Variants in HERC4 observed in about 807,000 individuals in gnomAD.
HERC4 encodes probable E3 ubiquitin-protein ligase HERC4.
HERC4 carries 28 observed loss-of-function variants against 124.3 expected under a neutral mutation model. The observed-to-expected ratio is 0.23, with a 90% CI of 0.17 to 0.31. The LOEUF (loss-of-function observed/expected upper bound fraction) is 0.31, where lower values mean the gene tolerates loss of function less well. HERC4 is among the 10% of genes least tolerant of loss of function. The pLI is 1.00. For missense variants in HERC4, 713 were observed against 1,229.3 expected, an observed-to-expected ratio of 0.58 and a Z score of 6.28; for synonymous variants, 407 against 421.5, an observed-to-expected ratio of 0.97 and a Z score of 0.42.
chr10:68,061,022 C>A (rs564125831), intron 3 of HERC4, among the ~76,000 whole-genome samples: 36 of 152,184 alleles, frequency 2.4e-4, no homozygotes, highest in African/African-American at 7.7e-4. Context: ...TCTTTAGGAC[C>A]GCTTTTAGCC....
At chr10:68,017,566 C>T (rs567806142) in intron 8 of HERC4, among the ~76,000 whole-genome samples, 1 of 152,344 alleles carries the variant, frequency 6.6e-6, no homozygotes, top group Admixed American at 6.5e-5. Context: ...TCACTGCAAC[C>T]TCTGCCTCCT....
Position 68,009,156 on chromosome 10 carries a change from G to A in HERC4, c.1069+4870C>T, listed in dbSNP as rs371065989. Among the ~76,000 whole-genome samples the A allele has an allele frequency of 1.5e-4, 23 of 152,066 alleles. No homozygotes were observed. The East Asian group carries it at 4.3e-3, about 28-fold the overall frequency. On this transcript the variant is annotated intron_variant, in intron 9 of 24. Transcript: ENST00000373700. ...CAAGAATCACTTGAACCCATGAGGTGAAGGTTGCAGTAAACCGAGATTGCA... is the reference window on the plus strand; with the variant it reads ...CAAGAATCACTTGAACCCATGAGGTAAAGGTTGCAGTAAACCGAGATTGCA...
At chr10:68,055,944 G>C (rs113913773) in intron 3 of HERC4, among the ~76,000 whole-genome samples, 1 of 151,946 alleles carries the variant, frequency 6.6e-6, no homozygotes, top group Non-Finnish European at 1.5e-5. Context: ...TAGAGGGGGG[G>C]TTTCACCATG....
intron 7 of HERC4, among the ~76,000 whole-genome samples, chr10:68,028,204 C>A (rs1331140214): frequency 6.7e-6 from 1 of 149,898 alleles, no homozygotes; most frequent in African/African-American, 2.5e-5. Context: ...ATACAATTTG[C>A]AAATGAAAGG....
intron 23 of HERC4, among the ~76,000 whole-genome samples, chr10:67,931,196 G>C (rs1336822439): frequency 6.6e-6 from 1 of 151,744 alleles, no homozygotes; most frequent in Non-Finnish European, 1.5e-5. Flanking sequence ...TGGTTGGCCA[G>C]GATGGTCTCG....
intron 19 of HERC4, among the ~76,000 whole-genome samples, chr10:67,949,700 A>G (rs957082472): frequency 6.6e-6 from 1 of 152,210 alleles, no homozygotes; most frequent in African/African-American, 2.4e-5. Flanking sequence ...AACAGAATGA[A>G]ACAAACCACA....
Position 67,922,435 on chromosome 10 carries a change from TA to T in HERC4, c.*495del, listed in dbSNP as rs2030313985. On this transcript the variant is annotated 3_prime_UTR_variant, in exon 25 of 25. Coordinates refer to ENST00000373700, the MANE Select transcript of HERC4 (RefSeq NM_015601.4). ...AGAGTAAGATTTAAATCATAATTTT[TA>T]ACCTTTAAAAGTCTGTTCAAGTTCA... is the stretch of plus-strand genomic sequence containing the variant. 6.6e-6 allele frequency: 1 copy of T among 152,218 alleles called. No individual in the cohort carries two copies. The highest frequency in any genetic ancestry group is 2.4e-5 in the African/African-American group (1 of 41,460). 9.4% of individuals were successfully genotyped at this position (152,218 alleles called of 1,614,324 possible).
At chr10:68,037,972 A>C (rs1239096885) in intron 5 of HERC4, 121 bp downstream of exon 5, 2 of 610,288 alleles carry the variant, frequency 3.3e-6, no homozygotes, top group African/African-American at 3.9e-5. Context: ...ATGGAAATGA[A>C]AAGGATCAAG....
Position 67,955,057 on chromosome 10 carries a change from C to A in HERC4, c.2099G>T (p.Cys700Phe). The change falls in exon 18 of 25, where the codon TGC (cysteine) becomes TTC (phenylalanine). Residue 700 changes from cysteine to phenylalanine, a missense_variant. By Grantham distance (205) the Cys-to-Phe change is radical (BLOSUM62 -2). Transcript: ENST00000373700. ...FLPVIESVNP[C>F]LILVVRRENI... ...TTCTCTACGCACCACTAGAATTAAG[C>A]AGGGATTCACAGATTCAATCACTGG... 6.3e-7 allele frequency: 1 copy of A among 1,598,934 alleles called. No homozygotes were observed. Among genetic ancestry groups the A allele is most frequent in the African/African-American group, 1.4e-5 (1 of 73,680 alleles).
At chr10:68,068,978 A>G (rs942465311) in intron 3 of HERC4, 3 of 879,286 alleles carry the variant, frequency 3.4e-6, no homozygotes, top group African/African-American at 1.8e-5. Flanking sequence ...AAAACACAAA[A>G]AACTGTTTTT....
chr10:68,059,459 A>AATAATATTTATATATT (rs2040723104), intron 3 of HERC4, among the ~76,000 whole-genome samples: 1 of 83,210 alleles, frequency 1.2e-5, no homozygotes, highest in Admixed American at 1.8e-4. Flanking sequence ...TATATATTAT[A>AATAATATTTATATATT]ATAATATTAT....
intron 3 of HERC4, among the ~76,000 whole-genome samples, chr10:68,059,843 T>TATTATATATCTTAATATTATATATTATA (rs1564609898): frequency 3.8e-5 from 1 of 26,310 alleles, no homozygotes; most frequent in African/African-American, 4.3e-4. Context: ...TATATTATAA[T>TATTATATATCTTAATATTATATATTATA]ATATTATATA....
intron 15 of HERC4, among the ~76,000 whole-genome samples, chr10:67,973,647 T>C (rs2035387215): frequency 6.6e-6 from 1 of 152,054 alleles, no homozygotes; most frequent in Non-Finnish European, 1.5e-5. Flanking sequence ...TGCTAGAAGA[T>C]TTAAAGTCTC....
chr10:67,922,892 A>C lies in HERC4; in HGVS notation c.*39T>G. The C allele has an allele frequency of 8.9e-6, 12 of 1,354,078 alleles. No homozygotes were observed. The highest frequency in any genetic ancestry group is 1.2e-5 in the Non-Finnish European group (12 of 972,064). 83.9% of individuals were successfully genotyped at this position (1,354,078 alleles called of 1,614,324 possible). A position where few individuals can be genotyped will look rare whatever the true frequency, so the allele number is the denominator to read the frequency against. On this transcript the variant is annotated 3_prime_UTR_variant, in exon 25 of 25. Coordinates refer to ENST00000373700, the MANE Select transcript of HERC4 (RefSeq NM_015601.4). ...ACCACAAGAAAAACACAAATAGTTT[A>C]ATGCTTTTGCACTAAACTGAATAGT...
At chr10:67,944,349 C>T (rs560118237) in intron 19 of HERC4, among the ~76,000 whole-genome samples, 8 of 152,230 alleles carry the variant, frequency 5.3e-5, no homozygotes, top group Non-Finnish European at 8.8e-5. Flanking sequence ...CAGGACAGTA[C>T]CTCTTAGTTT....
intron 4 of HERC4, chr10:68,040,409 T>C (rs574105304): frequency 2.2e-6 from 2 of 926,900 alleles, no homozygotes; most frequent in East Asian, 1.2e-4. Context: ...TTTTAGCTTT[T>C]AGAAATTAAA....
chr10:67,983,835 C>T (rs553224206), intron 15 of HERC4, among the ~76,000 whole-genome samples: 47 of 148,574 alleles, frequency 3.2e-4, no homozygotes, highest in Admixed American at 7.4e-4. Context: ...TGGTGGTGTA[C>T]GCCTGCAATC....
intron 7 of HERC4, among the ~76,000 whole-genome samples, chr10:68,032,480 G>A (rs1043735842): frequency 2.0e-5 from 3 of 152,128 alleles, no homozygotes; most frequent in South Asian, 2.1e-4. Flanking sequence ...GAACTAAAAC[G>A]GAATAATTTT....
At chr10:68,070,259 T>C (rs112375657) in intron 3 of HERC4, 2 of 969,720 alleles carry the variant, frequency 2.1e-6, no homozygotes, top group Non-Finnish European at 1.2e-6. Context: ...TTATTCCAAA[T>C]ATAAATAACT....
Sources: gnomAD v4.1 joint callset for allele counts (sites outside exome capture counted in the v4.1 genomes callset) on GRCh38, gnomAD v4.1.1 for gene constraint, MANE v1.5 for transcripts, NCBI Gene and HGNC (gene_info 2026-07-23, HGNC 2026-07-21) for gene names.